KAT5: variants seen among roughly 807,000 people sequenced by gnomAD.
The protein encoded by KAT5 is lysine acetyltransferase 5.
In KAT5, 31 loss-of-function variants were observed where a neutral mutation model predicts 68.1. The ratio of observed to expected loss-of-function variants is 0.46; its 90% CI spans 0.34 to 0.61. The LOEUF is 0.61. Ranked by LOEUF, KAT5 falls within the 20% of genes least tolerant of loss-of-function variation. KAT5 has a pLI of 0.01. For missense variants in KAT5, 451 were observed against 725.5 expected, an observed-to-expected ratio of 0.62 and a Z score of 4.35; for synonymous variants, 365 against 292.6, an observed-to-expected ratio of 1.25 and a Z score of -2.52.
In KAT5 at chr11:65,714,827, T is replaced by C; in HGVS notation, c.946T>C (p.Cys316Arg). 6.2e-7 allele frequency: 1 copy of C among 1,614,192 alleles called. No homozygotes were observed. The highest frequency in any genetic ancestry group is 8.5e-7 in the Non-Finnish European group (1 of 1,180,020). The change falls in exon 8 of 13, where the codon TGT becomes CGT. Residue 316 changes from cysteine (C) to arginine (R), a missense_variant. Physicochemically the swap from Cys to Arg is radical, Grantham distance 180. This residue lies in a region of KAT5 where 210 missense variants were observed against 423.7 expected (regional missense o/e 0.50). Transcript: ENST00000341318. ...LKCLQRHLTKCDLRHPPGNEI... is the reference protein window; with the variant it reads ...LKCLQRHLTKRDLRHPPGNEI... Reference sequence around the variant, plus strand: ...ATCCTCCTCTCTTCCCCAGACCAAGTGTGACCTACGACATCCTCCAGGCAA... The same window carrying C: ...ATCCTCCTCTCTTCCCCAGACCAAGCGTGACCTACGACATCCTCCAGGCAA...
intron 1 of KAT5, 107 bp downstream of exon 1, chr11:65,712,552 C>G (rs1857056194): frequency 2.9e-6 from 4 of 1,375,876 alleles, no homozygotes; most frequent in Admixed American, 2.5e-5. Flanking sequence ...GCGGGCGAGG[C>G]GCAGATACTT....
chr11:65,716,263 T>C (rs1042923477), intron 8 of KAT5: 5 of 185,878 alleles, frequency 2.7e-5, no homozygotes, highest in Non-Finnish European at 5.7e-5. Flanking sequence ...AGGGAGTCAG[T>C]GGTCAGAGTC....
intron 8 of KAT5, 50 bp downstream of exon 8, chr11:65,714,960 T>G (rs372484834): frequency 7.6e-5 from 115 of 1,508,228 alleles, no homozygotes; most frequent in African/African-American, 2.8e-4. Context: ...AATGACAGCT[T>G]CTTCTTGCTC....
At chr11:65,715,204 G>A (rs1252961970) in intron 8 of KAT5, 2 of 410,404 alleles carry the variant, frequency 4.9e-6, no homozygotes, top group Non-Finnish European at 9.2e-6. Flanking sequence ...TTCATAGAGG[G>A]TTACCTTTCA....
At chr11:65,712,192 C>G, upstream of KAT5, 2 of 1,355,776 alleles carry the variant, frequency 1.5e-6, no homozygotes, top group South Asian at 3.7e-5. Context: ...CTTCGTGAGG[C>G]CCGGGCCCAC....
In KAT5 at chr11:65,716,773, G is replaced by A; in HGVS notation, c.1136G>A (p.Cys379Tyr). Residue 379 changes from cysteine to tyrosine, a missense_variant, in exon 9 of 13, where the codon TGT becomes TAT. Coordinates refer to ENST00000341318, the MANE Select transcript of KAT5 (RefSeq NM_182710.3). The part of the protein sequence containing the change: ...FLFYVMTEYD[C>Y]KGFHIVGYFS... ...TTCTACGTCATGACAGAGTATGACT[G>A]TAAGGGCTTCCACATCGTGGGCTAC... 1.2e-6 allele frequency: 2 copies of A among 1,614,056 alleles called. No individual in the cohort carries two copies. Among genetic ancestry groups the A allele is most frequent in the South Asian group, 1.1e-5 (1 of 91,078 alleles).
intron 10 of KAT5, 81 bp from the exon 11 acceptor site, chr11:65,718,509 G>C (rs1857283004): frequency 6.8e-7 from 1 of 1,478,316 alleles, no homozygotes; most frequent in Admixed American, 1.9e-5. Flanking sequence ...TAGGCAGCCT[G>C]CCTTGGCAAC....
upstream of KAT5, chr11:65,712,186 G>T: frequency 1.5e-6 from 2 of 1,344,256 alleles, no homozygotes. Context: ...CAGGGGCTTC[G>T]TGAGGCCCGG....
intron 8 of KAT5, among the ~76,000 whole-genome samples, chr11:65,715,602 G>C (rs938829439): frequency 2.0e-5 from 3 of 151,512 alleles, no homozygotes; most frequent in African/African-American, 7.3e-5. Flanking sequence ...CTACTAAAAA[G>C]TACAAAAAAT....
At chr11:65,712,204 G>A (rs1857040147), upstream of KAT5, 3 of 1,373,964 alleles carry the variant, frequency 2.2e-6, no homozygotes, top group African/African-American at 1.5e-5. Context: ...CGGGCCCACA[G>A]GGCGCTCGGT....
chr11:65,716,446 C>CA, intron 8 of KAT5: 1 of 571,740 alleles, frequency 1.7e-6, no homozygotes, highest in Admixed American at 3.0e-5. Context: ...GGGAGGCACT[C>CA]AGACACCATC....
intron 8 of KAT5, among the ~76,000 whole-genome samples, chr11:65,715,577 G>A (rs1055514622): frequency 2.6e-5 from 4 of 151,400 alleles, no homozygotes; most frequent in African/African-American, 9.7e-5. Context: ...TGGCTAACAC[G>A]GTTAAACCCT....
Position 65,716,873 on chromosome 11 carries a change from T to C in KAT5, c.1171-16T>C. 1 of 1,613,686 alleles carries C rather than the reference T, an allele frequency of 6.2e-7. No homozygotes were observed. The highest frequency in any genetic ancestry group is 8.5e-7 in the Non-Finnish European group (1 of 1,179,578). ...CCAGATCCCTTCCCTGACACTCACC[T>C]GTCCCCCTTCTCCAGGAGAAAGAAT... On this transcript the variant is annotated splice_polypyrimidine_tract_variant and intron_variant, in intron 9 of 12. Transcript: ENST00000341318.
rs1857107593 is a variant in KAT5 at position 65,713,786 on chromosome 11, C to T, written c.628C>T (p.Arg210Cys). 6.2e-7 allele frequency: 1 copy of T among 1,611,004 alleles called. No homozygotes were observed. The highest frequency in any genetic ancestry group is 8.5e-7 in the Non-Finnish European group (1 of 1,178,630). The change falls in exon 6 of 13, where the codon CGT (arginine) becomes TGT (cysteine). Residue 210 changes from arginine to cysteine, a missense_variant. Arg to Cys is a radical substitution (Grantham distance 180). Around this residue, in one of 4 missense-constraint regions of KAT5, gnomAD observed 135 missense variants for 173.4 expected, o/e 0.78. Transcript: ENST00000341318. ...ACTATCTCGGCAGAATGGAGCCGCC[C>T]GTAGGGCAGTGGCAGCCCAGCCAGG... ...ASVFPQNGAA[R>C]RAVAAQPGRK...
rs1857316493 is a variant in KAT5, at chr11:65,719,294, G to A, written c.*113G>A. On this transcript the variant is annotated 3_prime_UTR_variant, in exon 13 of 13. Transcript: ENST00000341318. The stretch of plus-strand genomic sequence containing the variant: ...TCTAAGGGAGATGGGGCTGAGGACA[G>A]CTCAAAAAGGAGAGGACAGGCCTGG... 2 of 1,304,254 alleles carry A rather than the reference G, an allele frequency of 1.5e-6. No homozygotes were observed. Among genetic ancestry groups the A allele is most frequent in the Non-Finnish European group, 2.1e-6 (2 of 955,328 alleles). The allele number at this position is 1,304,254 out of a possible 1,614,324, so 80.8% of individuals were successfully genotyped here.
Position 65,713,426 on chromosome 11 carries a change from C to T in KAT5, c.463C>T (p.Arg155Trp), listed in dbSNP as rs755472150. ...ITLRFNLPKEREAIPGGEPDQ... is the reference protein window; with the variant it reads ...ITLRFNLPKEWEAIPGGEPDQ... ...ACTCCGCTTCAACCTGCCCAAGGAGCGGGAGGCCATTCCCGGTGGCGAGCC... is the reference window on the plus strand; with the variant it reads ...ACTCCGCTTCAACCTGCCCAAGGAGTGGGAGGCCATTCCCGGTGGCGAGCC... The change falls in exon 4 of 13, where the codon CGG becomes TGG. Residue 155 changes from arginine (R) to tryptophan (W), a missense_variant. This residue lies in a region of KAT5 where 135 missense variants were observed against 173.4 expected (regional missense o/e 0.78). Coordinates refer to ENST00000341318, the MANE Select transcript of KAT5 (RefSeq NM_182710.3). 8 of 1,614,118 alleles carry T rather than the reference C, an allele frequency of 5.0e-6. No homozygotes were observed. The East Asian group carries it at 6.7e-5, about 13-fold the overall frequency.
At chr11:65,715,536 G>A (rs1365322704) in intron 8 of KAT5, among the ~76,000 whole-genome samples, 1 of 149,434 alleles carries the variant, frequency 6.7e-6, no homozygotes, top group African/African-American at 2.5e-5. Flanking sequence ...TGAGGCGGGC[G>A]GATCACAAGG....
upstream of KAT5, chr11:65,712,163 A>G: frequency 8.7e-7 from 1 of 1,152,564 alleles, no homozygotes; most frequent in Non-Finnish European, 1.2e-6. Context: ...TGTCTCTCAA[A>G]GGTCCCCCTC....
Position 65,713,384 on chromosome 11 carries a change from A to T in KAT5, c.421A>T (p.Ile141Phe). 2 of 1,613,688 alleles carry T rather than the reference A, an allele frequency of 1.2e-6. No homozygotes were observed. The highest frequency in any genetic ancestry group is 1.7e-6 in the Non-Finnish European group (2 of 1,179,920). ...SAQASGKTLP[I>F]PVQITLRFNL... is the part of the protein sequence containing the mutation. ...GCAGGCCAGCGGGAAGACCTTGCCAATCCCGGTCCAGATCACACTCCGCTT... is the reference window on the plus strand; with the variant it reads ...GCAGGCCAGCGGGAAGACCTTGCCATTCCCGGTCCAGATCACACTCCGCTT... The change falls in exon 4 of 13, where the codon ATC (isoleucine) becomes TTC (phenylalanine). Residue 141 changes from isoleucine (I) to phenylalanine (F), a missense_variant. Around this residue, in one of 4 missense-constraint regions of KAT5, gnomAD observed 135 missense variants for 173.4 expected, o/e 0.78. Coordinates refer to ENST00000341318, the MANE Select transcript of KAT5 (RefSeq NM_182710.3).
Sources: gnomAD v4.1 joint callset for allele counts (sites outside exome capture counted in the v4.1 genomes callset) on GRCh38, gnomAD v4.1.1 for gene constraint, gnomAD v4.1.1 regional missense constraint, MANE v1.5 for transcripts, NCBI Gene and HGNC (gene_info 2026-07-23, HGNC 2026-07-21) for gene names.